KLHL42: variants seen among roughly 807,000 people sequenced by gnomAD.
KLHL42 encodes kelch like family member 42.
A neutral mutation model predicts 32.7 loss-of-function variants in KLHL42; 27 were observed. The ratio of observed to expected loss-of-function variants is 0.83; its 90% CI spans 0.61 to 1.14. KLHL42 has a LOEUF of 1.14. KLHL42 is among the 50% of genes most tolerant of loss of function. KLHL42 has a pLI of 0.00. For missense variants in KLHL42, 491 were observed against 560.8 expected, an observed-to-expected ratio of 0.88 and a Z score of 1.26; for synonymous variants, 267 against 248.2, an observed-to-expected ratio of 1.08 and a Z score of -0.71.
At chr12:27,789,741 G>A (rs2062188203) in intron 1 of KLHL42, among the ~76,000 whole-genome samples, 1 of 152,136 alleles carries the variant, frequency 6.6e-6, no homozygotes, top group Non-Finnish European at 1.5e-5. Context: ...ACCATTGGCA[G>A]CAAGAAAGGT....
At chr12:27,788,784 A>T (rs2062184354) in intron 1 of KLHL42, among the ~76,000 whole-genome samples, 1 of 152,248 alleles carries the variant, frequency 6.6e-6, no homozygotes, top group South Asian at 2.1e-4. Context: ...CTTAAAACAG[A>T]AATTCTAATG....
At position 27,780,583 on chromosome 12, in the gene KLHL42, GA is replaced by G. The variant is rs1271949176; in HGVS notation, c.257del (p.Lys86ArgfsTer14). 2 of 1,541,140 alleles carry G rather than the reference GA, an allele frequency of 1.3e-6. No individual in the cohort carries two copies. Among genetic ancestry groups the G allele is most frequent in the Non-Finnish European group, 8.7e-7 (1 of 1,147,086 alleles). On this transcript the variant is annotated frameshift_variant, in exon 1 of 3. Coordinates refer to ENST00000381271, the MANE Select transcript of KLHL42 (RefSeq NM_020782.2). LOFTEE classifies it high-confidence loss of function. This position sits in a 1 kb window ranked among gnomAD's most constrained non-coding sequence, Gnocchi z 8.8. ...AGGCTGGCTCCTGGGCCCGCGCGGG[GA>G]AAAGGGCGGCGGGGTGGACGAGGAC... ...REGWLLGPRG[E>X]KGGGVDEDEE...
At chr12:27,787,152 C>T (rs545818229) in intron 1 of KLHL42, among the ~76,000 whole-genome samples, 3 of 152,176 alleles carry the variant, frequency 2.0e-5, no homozygotes, top group Non-Finnish European at 2.9e-5. Flanking sequence ...ATGGTCTGAA[C>T]GTGGGTTTGA....
rs560148792 is a variant in KLHL42 at position 27,797,897 on chromosome 12, A to T, written c.1249A>T (p.Thr417Ser). 1 of 780,918 alleles carries T rather than the reference A, an allele frequency of 1.3e-6. No individual in the cohort carries two copies. The highest frequency in any genetic ancestry group is 1.7e-5 in the African/African-American group (1 of 59,198). 48.4% of individuals were successfully genotyped at this position (780,918 alleles called of 1,614,324 possible). ...RRSSQSEDML[T>S]VQSYNTVTRQ... is the part of the protein sequence containing the mutation. ...GAGCAGCCAGAGCGAGGACATGCTC[A>T]CCGTGCAGTCCTACAACACCGTCAC... is the stretch of plus-strand genomic sequence containing the variant. Residue 417 changes from threonine to serine, a missense_variant, in exon 3 of 3, where the codon ACC (threonine) becomes TCC (serine). Around this residue, in one of 4 missense-constraint regions of KLHL42, gnomAD observed 152 missense variants for 125.9 expected, o/e 1.21. Coordinates refer to ENST00000381271, the MANE Select transcript of KLHL42 (RefSeq NM_020782.2).
At chr12:27,792,212 G>T in intron 2 of KLHL42, 1 of 211,224 alleles carries the variant, frequency 4.7e-6, no homozygotes, top group Non-Finnish European at 9.6e-6. Context: ...GATTTGGCTG[G>T]GCCTGGTTTG....
chr12:27,784,033 G>A (rs1042794542), intron 1 of KLHL42, among the ~76,000 whole-genome samples: 3 of 151,942 alleles, frequency 2.0e-5, no homozygotes, highest in Non-Finnish European at 4.4e-5. Flanking sequence ...CCTGGTAGAT[G>A]CGTGCATGTA....
At chr12:27,789,302 A>G (rs1252397150) in intron 1 of KLHL42, among the ~76,000 whole-genome samples, 1 of 152,236 alleles carries the variant, frequency 6.6e-6, no homozygotes, top group African/African-American at 2.4e-5. Flanking sequence ...CTAAGGTCAG[A>G]CAGCAATTGA....
In KLHL42 at chr12:27,798,628, T is replaced by C. The variant is rs2062230517; in HGVS notation, c.*462T>C. On this transcript the variant is annotated 3_prime_UTR_variant, in exon 3 of 3. Transcript: ENST00000381271. ...TCATATTAACATATTCATTCTCTCT[T>C]CTCCATCACCCATACCCACACATAC... The C allele has an allele frequency of 6.2e-6, 1 of 162,284 alleles. No individual in the cohort carries two copies. Among genetic ancestry groups the C allele is most frequent in the African/African-American group, 2.5e-5 (1 of 39,924 alleles). 10.1% of individuals were successfully genotyped at this position (162,284 alleles called of 1,614,324 possible). A position where few individuals can be genotyped will look rare whatever the true frequency, so the allele number is the denominator to read the frequency against.
chr12:27,788,479 C>G (rs540247926), intron 1 of KLHL42, among the ~76,000 whole-genome samples: 1 of 152,194 alleles, frequency 6.6e-6, no homozygotes. Flanking sequence ...TTGTATGTAG[C>G]TACTGTTAAT....
chr12:27,790,232 A>G (rs1190438672), intron 1 of KLHL42, among the ~76,000 whole-genome samples: 3 of 152,208 alleles, frequency 2.0e-5, no homozygotes, highest in African/African-American at 4.8e-5. Flanking sequence ...AATTTGAATG[A>G]TAGTATTTTA....
chr12:27,786,719 G>GGT (rs36035394), intron 1 of KLHL42, among the ~76,000 whole-genome samples: 1 of 101,144 alleles, frequency 9.9e-6, no homozygotes, highest in Non-Finnish European at 1.9e-5. Flanking sequence ...GATTGAAAGA[G>GGT]TTTTTTTTTT....
chr12:27,795,696 A>G (rs568296073), intron 2 of KLHL42, among the ~76,000 whole-genome samples: 56 of 152,330 alleles, frequency 3.7e-4, no homozygotes, highest in African/African-American at 1.3e-3. Flanking sequence ...AATTTAGTAA[A>G]TAATAGCTCA....
At chr12:27,784,429 C>T (rs2062163068) in intron 1 of KLHL42, among the ~76,000 whole-genome samples, 3 of 151,890 alleles carry the variant, frequency 2.0e-5, no homozygotes, top group Admixed American at 6.6e-5. Context: ...TGTGAGCCAC[C>T]GCGCCCAGCT....
chr12:27,782,613 G>A (rs1194856224), intron 1 of KLHL42, among the ~76,000 whole-genome samples: 1 of 152,160 alleles, frequency 6.6e-6, no homozygotes, highest in African/African-American at 2.4e-5. Flanking sequence ...GCGGCCCTGA[G>A]TTCTCTCACT....
At chr12:27,794,389 TTC>T (rs2062210181) in intron 2 of KLHL42, among the ~76,000 whole-genome samples, 1 of 152,186 alleles carries the variant, frequency 6.6e-6, no homozygotes, top group South Asian at 2.1e-4. Flanking sequence ...GCTTCTCCCT[TTC>T]TGTCTAAGGA....
At chr12:27,797,089 G>T (rs551632390) in intron 2 of KLHL42, among the ~76,000 whole-genome samples, 1 of 151,462 alleles carries the variant, frequency 6.6e-6, no homozygotes, top group Non-Finnish European at 1.5e-5. Flanking sequence ...ATATAATGGG[G>T]AAACTAAGGC....
In KLHL42 at chr12:27,799,727, C is replaced by T. The variant is rs150902613; in HGVS notation, c.*1561C>T. The T allele has an allele frequency of 0.015, 2,272 of 152,996 alleles. 24 individuals carry two copies. Among genetic ancestry groups the T allele is most frequent in the Middle Eastern group, 0.03 (9 of 296 alleles). The allele number at this position is 152,996 out of a possible 1,614,324, so 9.5% of individuals were successfully genotyped here. A position where few individuals can be genotyped will look rare whatever the true frequency, so the allele number is the denominator to read the frequency against. The stretch of plus-strand genomic sequence containing the variant: ...TGGCCTCTAGTATACTTAAAATAAG[C>T]GTCCAGTTATAAAAAGCCTATTTGC... On this transcript the variant is annotated 3_prime_UTR_variant, in exon 3 of 3. Coordinates refer to ENST00000381271, the MANE Select transcript of KLHL42 (RefSeq NM_020782.2).
chr12:27,793,065 T>C (rs1438921454), intron 2 of KLHL42, among the ~76,000 whole-genome samples: 1 of 152,188 alleles, frequency 6.6e-6, no homozygotes, highest in African/African-American at 2.4e-5. Flanking sequence ...GCAAGTTTTA[T>C]ACTGCTCTTT....
At chr12:27,790,961 TG>T (rs1230761610) in intron 1 of KLHL42, among the ~76,000 whole-genome samples, 1 of 152,216 alleles carries the variant, frequency 6.6e-6, no homozygotes, top group Non-Finnish European at 1.5e-5. Flanking sequence ...CTCGAGAGGC[TG>T]AGGCAGGAGA....
Sources: allele counts gnomAD v4.1 joint callset (sites outside exome capture counted in the v4.1 genomes callset), GRCh38; gene constraint gnomAD v4.1.1; regional missense constraint gnomAD v4.1.1; non-coding constraint Gnocchi (gnomAD v3.1); transcripts MANE v1.5; gene names NCBI Gene and HGNC (gene_info 2026-07-23, HGNC 2026-07-21).